Variants in FMNL3 observed in about 807,000 individuals in gnomAD.
The protein encoded by FMNL3 is formin like 3.
In FMNL3, 57 loss-of-function variants were observed where a neutral mutation model predicts 119.6. The ratio of observed to expected loss-of-function variants is 0.48; its 90% CI spans 0.39 to 0.59. The LOEUF (loss-of-function observed/expected upper bound fraction) is 0.59, where lower values mean the gene tolerates loss of function less well. Ranked by LOEUF, FMNL3 falls within the 20% of genes least tolerant of loss-of-function variation. FMNL3 has a pLI of 0.00. For synonymous variants in FMNL3, 491 were observed against 507.3 expected (o/e 0.97, Z 0.43); for missense variants, 1,053 against 1,323.5 (o/e 0.80, Z 3.17).
Position 49,647,848 on chromosome 12 carries a change from C to G in FMNL3, c.2677-44G>C. 6.8e-7 allele frequency: 1 copy of G among 1,464,232 alleles called. No individual in the cohort carries two copies. Among genetic ancestry groups the G allele is most frequent in the Admixed American group, 1.7e-5 (1 of 59,216 alleles). The allele number at this position is 1,464,232 out of a possible 1,614,324, so 90.7% of individuals were successfully genotyped here. A position where few individuals can be genotyped will look rare whatever the true frequency, so the allele number is the denominator to read the frequency against. ...GAATGGGTCACCCTGGCAGGAAGAT[C>G]AGCCCAGCTCCCACACCACGGATGA... On this transcript the variant is annotated intron_variant, in intron 22 of 25. Coordinates refer to ENST00000335154, the MANE Select transcript of FMNL3 (RefSeq NM_175736.5). This position sits in a 1 kb window ranked among gnomAD's most constrained non-coding sequence, Gnocchi z 4.9.
chr12:49,670,144 A>T (rs1388586629), intron 1 of FMNL3, among the ~76,000 whole-genome samples: 1 of 152,172 alleles, frequency 6.6e-6, no homozygotes, highest in Admixed American at 6.5e-5. Context: ...ACCTCTGCCC[A>T]ATTCTTGGCA....
chr12:49,651,837 T>G, intron 14 of FMNL3, 96 bp downstream of exon 14: 2 of 1,450,694 alleles, frequency 1.4e-6, no homozygotes, highest in Non-Finnish European at 1.8e-6. Flanking sequence ...ATAATGCCAT[T>G]TTCCCAGCTT....
chr12:49,688,261 C>T (rs191323550), intron 1 of FMNL3, among the ~76,000 whole-genome samples: 2 of 152,258 alleles, frequency 1.3e-5, no homozygotes, highest in Admixed American at 6.5e-5. Flanking sequence ...GACAGTCTAG[C>T]GAGAAGCCTG....
rs545601493 is a variant in FMNL3 at position 49,643,626 on chromosome 12, T to A, written c.*2189A>T. 1 of 1,544,492 alleles carries A rather than the reference T, an allele frequency of 6.5e-7. No homozygotes were observed. The highest frequency in any genetic ancestry group is 1.4e-5 in the African/African-American group (1 of 72,312). Reference sequence around the variant, plus strand: ...GCCTGTGAAGAATGAACAGAGGGGCTAGAACAAAGAAAAAGAGCCTGTCTT... The same window carrying A: ...GCCTGTGAAGAATGAACAGAGGGGCAAGAACAAAGAAAAAGAGCCTGTCTT... On this transcript the variant is annotated 3_prime_UTR_variant, in exon 26 of 26. Coordinates refer to ENST00000335154, the MANE Select transcript of FMNL3 (RefSeq NM_175736.5).
At chr12:49,655,065 A>G in intron 9 of FMNL3, 81 bp from the exon 10 acceptor site, 1 of 1,292,200 alleles carries the variant, frequency 7.7e-7, no homozygotes, top group Non-Finnish European at 1.1e-6. Context: ...TAGGAACATC[A>G]TGGCAAAGGA....
At chr12:49,659,840 T>C (rs1943681739) in intron 5 of FMNL3, 2 of 985,438 alleles carry the variant, frequency 2.0e-6, no homozygotes, top group Non-Finnish European at 2.4e-6. Flanking sequence ...CTCTCCTCCT[T>C]CTTGTCCTCT....
chr12:49,676,340 T>A (rs1944184289), intron 1 of FMNL3, among the ~76,000 whole-genome samples: 1 of 152,186 alleles, frequency 6.6e-6, no homozygotes, highest in Admixed American at 6.5e-5. Context: ...GAATATAACC[T>A]TCTTTTCTCC....
At position 49,637,884 on chromosome 12, in the gene FMNL3, A is replaced by C; in HGVS notation, c.*7931T>G. 2 of 1,378,734 alleles carry C rather than the reference A, an allele frequency of 1.5e-6. No individual in the cohort carries two copies. Among genetic ancestry groups the C allele is most frequent in the Admixed American group, 3.5e-5 (2 of 56,774 alleles). The allele number at this position is 1,378,734 out of a possible 1,614,324, so 85.4% of individuals were successfully genotyped here. A position where few individuals can be genotyped will look rare whatever the true frequency, so the allele number is the denominator to read the frequency against. On this transcript the variant is annotated 3_prime_UTR_variant, in exon 26 of 26. Transcript: ENST00000335154. Reference sequence around the variant, plus strand: ...TGGATGCAGGGCACACTCCCTGCAGAGGACTCCCTGATAAGTCCTGTTTTG... The same window carrying C: ...TGGATGCAGGGCACACTCCCTGCAGCGGACTCCCTGATAAGTCCTGTTTTG...
At chr12:49,663,336 C>G (rs1310056462) in intron 4 of FMNL3, among the ~76,000 whole-genome samples, 1 of 152,146 alleles carries the variant, frequency 6.6e-6, no homozygotes, top group African/African-American at 2.4e-5. Context: ...CTCTGGAATC[C>G]CACTTCCCAG....
intron 1 of FMNL3, 81 bp downstream of exon 1, chr12:49,706,974 G>A: frequency 1.4e-6 from 2 of 1,468,636 alleles, no homozygotes; most frequent in East Asian, 5.3e-5. Context: ...GGGCGGGACG[G>A]GGGCCCAGCA....
chr12:49,636,923 C>A lies in FMNL3; in HGVS notation c.*8892G>T, dbSNP rs560424980. ...ACAACCTCTTCACCCATTCCCTGCC[C>A]CCTTCTGGATACGCTGCCTGTTCTT... On this transcript the variant is annotated 3_prime_UTR_variant, in exon 26 of 26. Transcript: ENST00000335154. 638 of 1,600,434 alleles carry A rather than the reference C, an allele frequency of 4.0e-4. No homozygotes were observed. Among genetic ancestry groups the A allele is most frequent in the Non-Finnish European group, 4.9e-4 (573 of 1,173,638 alleles).
At chr12:49,679,573 C>A (rs1035079733) in intron 1 of FMNL3, among the ~76,000 whole-genome samples, 1 of 134,612 alleles carries the variant, frequency 7.4e-6, no homozygotes, top group Non-Finnish European at 1.5e-5. Context: ...ATCACACAGG[C>A]TGGAGTGCAG....
At chr12:49,683,407 C>G (rs1306572430) in intron 1 of FMNL3, among the ~76,000 whole-genome samples, 1 of 152,120 alleles carries the variant, frequency 6.6e-6, no homozygotes, top group Non-Finnish European at 1.5e-5. Context: ...GAGTAGTTAA[C>G]TCTAATCTAG....
rs1945077636 is a variant in FMNL3 at position 49,707,286 on chromosome 12, C to G, written c.-106G>C. The G allele has an allele frequency of 8.8e-7, 1 of 1,139,586 alleles. No individual in the cohort carries two copies. The highest frequency in any genetic ancestry group is 1.2e-6 in the Non-Finnish European group (1 of 856,926). 70.6% of individuals were successfully genotyped at this position (1,139,586 alleles called of 1,614,324 possible). Reference sequence around the variant, plus strand: ...CTCCCTCAGCGCCGGCTCCCCGAGTCCCGACTCCTCGGCCCCGTCGAGGGC... The same window carrying G: ...CTCCCTCAGCGCCGGCTCCCCGAGTGCCGACTCCTCGGCCCCGTCGAGGGC... On this transcript the variant is annotated 5_prime_UTR_variant, in exon 1 of 26. Transcript: ENST00000335154.
At chr12:49,684,612 C>T (rs1009700623) in intron 1 of FMNL3, among the ~76,000 whole-genome samples, 4 of 152,160 alleles carry the variant, frequency 2.6e-5, no homozygotes, top group Admixed American at 2.0e-4. Flanking sequence ...GGGACGCCAC[C>T]GCGACCTGTT....
Position 49,649,885 on chromosome 12 carries a change from G to A in FMNL3, c.2041C>T (p.Leu681=), listed in dbSNP as rs1368938236. The A allele has an allele frequency of 4.3e-6, 7 of 1,613,990 alleles. No homozygotes were observed. In the Admixed American group the frequency reaches 1.2e-4, roughly 27 times the overall value. The change falls in exon 18 of 26, where the codon CTG becomes TTG. Residue 681 remains leucine, a synonymous_variant. Coordinates refer to ENST00000335154, the MANE Select transcript of FMNL3 (RefSeq NM_175736.5). This position sits in a 1 kb window ranked among gnomAD's most constrained non-coding sequence, Gnocchi z 5.6. ...GCCTCTGTGGGCAGGAAGCGCATCA[G>A]GCACTCCACGAAGTCCACAGGTAGT... ...QTLPVDFVEC[L]MRFLPTEAEV...
At chr12:49,679,673 C>T (rs1944287239) in intron 1 of FMNL3, among the ~76,000 whole-genome samples, 1 of 151,984 alleles carries the variant, frequency 6.6e-6, no homozygotes, top group Non-Finnish European at 1.5e-5. Context: ...ACTGCAGGCA[C>T]ACACCATCAT....
rs539085196 is a variant in FMNL3 at position 49,647,610 on chromosome 12, G to C, written c.2778+93C>G. The C allele has an allele frequency of 2.6e-6, 3 of 1,156,484 alleles. No individual in the cohort carries two copies. Among genetic ancestry groups the C allele is most frequent in the Non-Finnish European group, 3.8e-6 (3 of 782,944 alleles). The allele number at this position is 1,156,484 out of a possible 1,614,324, so 71.6% of individuals were successfully genotyped here. On this transcript the variant is annotated intron_variant, in intron 23 of 25. Transcript: ENST00000335154. This position sits in a 1 kb window ranked among gnomAD's most constrained non-coding sequence, Gnocchi z 4.9. The stretch of plus-strand genomic sequence containing the variant: ...GCTCCCTTCCCAGGACTCGGAGGAG[G>C]AGTCGGAAAAGGCCCATACTTTAAG...
In FMNL3 at chr12:49,641,829, C is replaced by A; in HGVS notation, c.*3986G>T. ...CAGAGGCAAGGGCCTTCTTGACCATCTGTAATGTGACCACTCTGCCTGCCA... is the reference window on the plus strand; with the variant it reads ...CAGAGGCAAGGGCCTTCTTGACCATATGTAATGTGACCACTCTGCCTGCCA... On this transcript the variant is annotated 3_prime_UTR_variant, in exon 26 of 26. Coordinates refer to ENST00000335154, the MANE Select transcript of FMNL3 (RefSeq NM_175736.5). 1 of 1,208,012 alleles carries A rather than the reference C, an allele frequency of 8.3e-7. No individual in the cohort carries two copies. Among genetic ancestry groups the A allele is most frequent in the Non-Finnish European group, 1.2e-6 (1 of 821,092 alleles). 74.8% of individuals were successfully genotyped at this position (1,208,012 alleles called of 1,614,324 possible).
Sources: allele counts gnomAD v4.1 joint callset (sites outside exome capture counted in the v4.1 genomes callset), GRCh38; gene constraint gnomAD v4.1.1; non-coding constraint Gnocchi (gnomAD v3.1); transcripts MANE v1.5; gene names NCBI Gene and HGNC (gene_info 2026-07-23, HGNC 2026-07-21).